The following MED12L variants were observed in gnomAD, a reference collection of about 807,000 sequenced individuals.
The protein encoded by MED12L is mediator of RNA polymerase II transcription subunit 12-like protein.
In MED12L, 60 loss-of-function variants were observed where a neutral mutation model predicts 281.3. That is an observed-to-expected ratio of 0.21 (90% confidence interval 0.17 to 0.26). The LOEUF (loss-of-function observed/expected upper bound fraction) is 0.26. Among genes scored for constraint, MED12L ranks in the 10% least tolerant of loss-of-function variants. MED12L has a pLI of 1.00. For synonymous variants in MED12L, 974 were observed against 987.2 expected, an observed-to-expected ratio of 0.99 and a Z score of 0.25; for missense variants, 2,146 against 2,680.9, an observed-to-expected ratio of 0.80 and a Z score of 4.41.
chr3:151,349,424 C>G (rs1052654521), intron 16 of MED12L, among the ~76,000 whole-genome samples: 2 of 152,136 alleles, frequency 1.3e-5, no homozygotes, highest in African/African-American at 4.8e-5. Flanking sequence ...ATACATGTAT[C>G]TCACACAGTC....
In MED12L at chr3:151,400,781, A is replaced by G. The variant is rs1393984849; in HGVS notation, c.5820+5914A>G. Among the ~76,000 whole-genome samples, 3 of 152,084 alleles carry G rather than the reference A, an allele frequency of 2.0e-5. No individual in the cohort carries two copies. In the South Asian group the frequency reaches 6.2e-4, roughly 32 times the overall value. On this transcript the variant is annotated intron_variant, in intron 39 of 44. Coordinates refer to ENST00000687756, the MANE Select transcript of MED12L (RefSeq NM_001393769.1). ...ACCTTGGAATATGTTTATTTTCTCT[A>G]TCCCTCCCACTCACTCTTTAATGGT...
chr3:151,431,045 A>G (rs1448936887), intron 44 of MED12L, among the ~76,000 whole-genome samples: 1 of 152,164 alleles, frequency 6.6e-6, no homozygotes, highest in Non-Finnish European at 1.5e-5. Flanking sequence ...CATGAATTGA[A>G]TCACCCCTGG....
intron 16 of MED12L, among the ~76,000 whole-genome samples, chr3:151,228,727 A>G (rs1444641718): frequency 1.3e-5 from 2 of 152,164 alleles, no homozygotes; most frequent in East Asian, 1.9e-4. Flanking sequence ...CTAATCTTTC[A>G]TGAGAGTGGC....
chr3:151,264,180 G>C (rs1348791241), intron 16 of MED12L, among the ~76,000 whole-genome samples: 1 of 152,102 alleles, frequency 6.6e-6, no homozygotes. Flanking sequence ...GTATTTCCTT[G>C]TTCCCTCCCA....
intron 16 of MED12L, among the ~76,000 whole-genome samples, chr3:151,239,571 T>G (rs1031387662): frequency 1.3e-5 from 2 of 152,246 alleles, no homozygotes; most frequent in African/African-American, 2.4e-5. Flanking sequence ...AAAATGTTAC[T>G]TGTGTTAACC....
intron 27 of MED12L, among the ~76,000 whole-genome samples, chr3:151,373,167 C>G (rs1009165737): frequency 6.6e-6 from 1 of 151,944 alleles, no homozygotes; most frequent in Admixed American, 6.6e-5. Context: ...ATCTATAGGC[C>G]ACAGTTCGAT....
intron 16 of MED12L, among the ~76,000 whole-genome samples, chr3:151,256,889 G>T (rs1303586245): frequency 2.0e-5 from 3 of 150,610 alleles, no homozygotes; most frequent in Non-Finnish European, 4.4e-5. Context: ...GGGTCATGGG[G>T]AAAATAGTGT....
chr3:151,255,568 AAC>A lies in MED12L; in HGVS notation c.2250+61907_2250+61908del, dbSNP rs1180305557. On this transcript the variant is annotated intron_variant, in intron 16 of 44. Transcript: ENST00000687756. ...GGGCCTTTTCAGACATCTCTAACTG[AAC>A]ACACGCGATTTTTCCTGCAGCTTCC... Among the ~76,000 whole-genome samples the A allele has an allele frequency of 5.9e-5, 9 of 152,232 alleles. No homozygotes were observed. In the South Asian group the frequency reaches 1.5e-3, roughly 25 times the overall value.
At position 151,307,531 on chromosome 3, in the gene MED12L, CTCTGTGTGTGTGTGTGTG is replaced by C. The variant is rs1191699322; in HGVS notation, c.2251-42526_2251-42509del. On this transcript the variant is annotated intron_variant, in intron 16 of 44. Coordinates refer to ENST00000687756, the MANE Select transcript of MED12L (RefSeq NM_001393769.1). ...TTTTTAGGTGACCTCAGGTAACTTG[CTCTGTGTGTGTGTGTGTG>C]TGTGTGTGTGTGTGTGTGTGTGTGT... 9.5e-3 allele frequency among the ~76,000 whole-genome samples: 1,151 copies of C among 120,530 alleles called. 26 individuals are homozygous for C. The highest frequency in any genetic ancestry group is 0.032 in the African/African-American group (1,096 of 33,896). 79.1% of individuals were successfully genotyped at this position (120,530 alleles called of 152,430 possible).
At chr3:151,172,241 T>G (rs1275151317) in intron 11 of MED12L, among the ~76,000 whole-genome samples, 1 of 152,234 alleles carries the variant, frequency 6.6e-6, no homozygotes, top group Non-Finnish European at 1.5e-5. Context: ...AGTCTCAGTT[T>G]CCTCATTTTG....
intron 2 of MED12L, among the ~76,000 whole-genome samples, chr3:151,089,232 C>G (rs571896475): frequency 6.6e-6 from 1 of 152,128 alleles, no homozygotes; most frequent in East Asian, 1.9e-4. Context: ...TATTTTTAAT[C>G]TATTTGATAT....
At chr3:151,210,932 G>A (rs976030048) in intron 16 of MED12L, among the ~76,000 whole-genome samples, 1 of 152,256 alleles carries the variant, frequency 6.6e-6, no homozygotes, top group East Asian at 1.9e-4. Context: ...TGTAAGCCTC[G>A]GTGGGCACCC....
rs757902957 is a variant in MED12L, at chr3:151,365,955, C to T, written c.3291C>T (p.His1097=). The change falls in exon 23 of 45, where the codon CAC becomes CAT. Residue 1097 remains histidine, a synonymous_variant. Coordinates refer to ENST00000687756, the MANE Select transcript of MED12L (RefSeq NM_001393769.1). ...AGGCTCTTTGTTGTTCTTCAAATCA[C>T]GTGTGGGGGTTTAATGATGTACTTT... ...VLKALCCSSN[H]VWGFNDVLCT... 9 of 1,612,344 alleles carry T rather than the reference C, an allele frequency of 5.6e-6. No homozygotes were observed. Among genetic ancestry groups the T allele is most frequent in the Admixed American group, 3.3e-5 (2 of 59,860 alleles).
At chr3:151,430,207 C>A in intron 43 of MED12L, 92 bp from the exon 44 acceptor site, 1 of 1,577,400 alleles carries the variant, frequency 6.3e-7, no homozygotes, top group Non-Finnish European at 8.7e-7. Flanking sequence ...TTGAGAAGTA[C>A]CTTACAGACT....
chr3:151,371,221 A>G (rs945231060), intron 26 of MED12L, among the ~76,000 whole-genome samples: 1 of 152,134 alleles, frequency 6.6e-6, no homozygotes, highest in Non-Finnish European at 1.5e-5. Context: ...CCAACTCTCA[A>G]TTCCTATCCA....
chr3:151,328,832 G>C, intron 16 of MED12L: 2 of 1,613,982 alleles, frequency 1.2e-6, no homozygotes, highest in Non-Finnish European at 1.7e-6. Context: ...GAAGGTGGAG[G>C]AGCTGGGGAT....
chr3:151,432,639 A>T (rs1286940232), intron 44 of MED12L, 113 bp from the exon 45 acceptor site: 9 of 770,678 alleles, frequency 1.2e-5, no homozygotes, highest in Non-Finnish European at 1.8e-5. Context: ...CTCTCCGGCC[A>T]TTCTGTTTCC....
At chr3:151,214,129 A>G in intron 16 of MED12L, 3 of 1,614,010 alleles carry the variant, frequency 1.9e-6, no homozygotes, top group Admixed American at 1.7e-5. Context: ...AGCAATAACA[A>G]TGTTCTTGAG....
At chr3:151,252,072 G>A (rs780889389) in intron 16 of MED12L, among the ~76,000 whole-genome samples, 5 of 152,000 alleles carry the variant, frequency 3.3e-5, no homozygotes, top group Non-Finnish European at 7.4e-5. Context: ...GATGCAGTTG[G>A]CCCACCCTTT....
Sources: allele counts gnomAD v4.1 joint callset (sites outside exome capture counted in the v4.1 genomes callset), GRCh38; gene constraint gnomAD v4.1.1; transcripts MANE v1.5; gene names NCBI Gene and HGNC (gene_info 2026-07-23, HGNC 2026-07-21).